Variants in ARGLU1 observed in about 807,000 individuals in gnomAD.
ARGLU1 encodes the protein arginine and glutamate rich 1.
Under a neutral mutation model 37.6 loss-of-function variants are expected in ARGLU1, and 9 were observed. That is an observed-to-expected ratio of 0.24 (90% CI 0.14 to 0.42). The LOEUF is 0.42. ARGLU1 is among the 10% of genes least tolerant of loss of function. The pLI, the probability that ARGLU1 is intolerant of heterozygous loss-of-function variation, is 1.00. For synonymous variants in ARGLU1, 166 were observed against 138.5 expected, an observed-to-expected ratio of 1.20 and a Z score of -1.39; for missense variants, 211 against 359.2, an observed-to-expected ratio of 0.59 and a Z score of 3.34.
chr13:106,552,328 C>G (rs759211897), intron 3 of ARGLU1, among the ~76,000 whole-genome samples: 1 of 152,160 alleles, frequency 6.6e-6, no homozygotes, highest in Non-Finnish European at 1.5e-5. Flanking sequence ...TTTAAAACCC[C>G]AAACACCCCC....
chr13:106,564,849 TA>T (rs1242461150), intron 1 of ARGLU1, among the ~76,000 whole-genome samples: 1 of 152,186 alleles, frequency 6.6e-6, no homozygotes, highest in East Asian at 1.9e-4. Flanking sequence ...CCTTATCCAC[TA>T]TTTAAAAAGT....
At chr13:106,549,093 A>G (rs2138965268) in intron 3 of ARGLU1, among the ~76,000 whole-genome samples, 1 of 152,304 alleles carries the variant, frequency 6.6e-6, no homozygotes, top group South Asian at 2.1e-4. Flanking sequence ...TGATTTTATA[A>G]AGATTACCTT....
At chr13:106,555,730 TG>T (rs1880646668) in intron 3 of ARGLU1, among the ~76,000 whole-genome samples, 1 of 152,168 alleles carries the variant, frequency 6.6e-6, no homozygotes, top group Admixed American at 6.5e-5. Flanking sequence ...AATAGAGGAC[TG>T]TAAGAATGCA....
At chr13:106,546,529 C>G (rs1364177066) in intron 3 of ARGLU1, among the ~76,000 whole-genome samples, 1 of 152,180 alleles carries the variant, frequency 6.6e-6, no homozygotes, top group East Asian at 1.9e-4. Flanking sequence ...ACAAAAAGAA[C>G]TGCCTGCTAT....
chr13:106,557,856 G>C lies in ARGLU1; in HGVS notation c.574-725C>G, dbSNP rs1388908862. ...TGGAACTACGGGCTTCTTCCATGGG[G>C]AAAATGGACTTAACATTCAGATGTT... is the stretch of plus-strand genomic sequence containing the variant. On this transcript the variant is annotated intron_variant, in intron 2 of 3. Transcript: ENST00000400198. This position sits in a 1 kb window ranked among gnomAD's most constrained non-coding sequence, Gnocchi z 5.0. The C allele has an allele frequency of 2.0e-6, 2 of 985,306 alleles. No individual in the cohort carries two copies. The highest frequency in any genetic ancestry group is 3.5e-5 in the African/African-American group (2 of 57,232). 61.0% of individuals were successfully genotyped at this position (985,306 alleles called of 1,614,324 possible). A position where few individuals can be genotyped will look rare whatever the true frequency, so the allele number is the denominator to read the frequency against.
intron 1 of ARGLU1, among the ~76,000 whole-genome samples, chr13:106,562,277 G>A (rs1880827408): frequency 6.6e-6 from 1 of 152,186 alleles, no homozygotes; most frequent in African/African-American, 2.4e-5. Context: ...AAACAATGCT[G>A]AAGGAAAGCT....
intron 1 of ARGLU1, among the ~76,000 whole-genome samples, chr13:106,560,077 A>G (rs1393642501): frequency 6.6e-6 from 1 of 152,196 alleles, no homozygotes; most frequent in African/African-American, 2.4e-5. Context: ...GTAGCAGGCA[A>G]CTCAGATTGG....
chr13:106,553,916 C>T (rs2138969042), intron 3 of ARGLU1, among the ~76,000 whole-genome samples: 1 of 152,324 alleles, frequency 6.6e-6, no homozygotes, highest in Non-Finnish European at 1.5e-5. Context: ...ATGGCTGCTA[C>T]TTTACTATAG....
chr13:106,561,461 ACT>A (rs1491193871), intron 1 of ARGLU1, among the ~76,000 whole-genome samples: 4 of 142,112 alleles, frequency 2.8e-5, no homozygotes, highest in Non-Finnish European at 4.6e-5. Context: ...ACACACACAC[ACT>A]TTTGCTAGTT....
At chr13:106,565,801 GT>G (rs1880946573) in intron 1 of ARGLU1, among the ~76,000 whole-genome samples, 3 of 152,180 alleles carry the variant, frequency 2.0e-5, no homozygotes, top group African/African-American at 7.2e-5. Flanking sequence ...ACTATTGGCA[GT>G]TTGTGTCTTC....
chr13:106,568,006 T>C lies in ARGLU1; in HGVS notation c.-87A>G. 6.7e-7 allele frequency: 1 copy of C among 1,494,540 alleles called. No homozygotes were observed. Among genetic ancestry groups the C allele is most frequent in the Non-Finnish European group, 8.8e-7 (1 of 1,132,888 alleles). 92.6% of individuals were successfully genotyped at this position (1,494,540 alleles called of 1,614,324 possible). A position where few individuals can be genotyped will look rare whatever the true frequency, so the allele number is the denominator to read the frequency against. Reference sequence around the variant, plus strand: ...TCCGCCTTCGGACGCGGGCTGGCGGTTCTACCGAGGCCGGAGGAAAGAAAG... The same window carrying C: ...TCCGCCTTCGGACGCGGGCTGGCGGCTCTACCGAGGCCGGAGGAAAGAAAG... On this transcript the variant is annotated 5_prime_UTR_variant, in exon 1 of 4. Transcript: ENST00000400198.
intron 3 of ARGLU1, among the ~76,000 whole-genome samples, chr13:106,551,971 G>A (rs976376396): frequency 2.0e-5 from 3 of 152,044 alleles, no homozygotes; most frequent in Non-Finnish European, 4.4e-5. Flanking sequence ...CAAAAGCCCC[G>A]CCCTCCTTGT....
intron 3 of ARGLU1, among the ~76,000 whole-genome samples, chr13:106,551,138 A>G: frequency 6.6e-6 from 1 of 152,212 alleles, no homozygotes; most frequent in East Asian, 1.9e-4. Context: ...CTTTCCAGAG[A>G]CAGTTTTTCT....
intron 3 of ARGLU1, among the ~76,000 whole-genome samples, chr13:106,546,689 CA>C (rs1299824647): frequency 6.6e-6 from 1 of 152,090 alleles, no homozygotes; most frequent in Non-Finnish European, 1.5e-5. Flanking sequence ...AACATTTTAT[CA>C]ATATAAATAC....
rs1163425521 is a variant in ARGLU1 at position 106,557,390 on chromosome 13, T to C, written c.574-259A>G. 2 of 594,330 alleles carry C rather than the reference T, an allele frequency of 3.4e-6. No individual in the cohort carries two copies. Among genetic ancestry groups the C allele is most frequent in the East Asian group, 3.2e-5 (1 of 31,230 alleles). The allele number at this position is 594,330 out of a possible 1,614,324, so 36.8% of individuals were successfully genotyped here. On this transcript the variant is annotated intron_variant, in intron 2 of 3. Transcript: ENST00000400198. The surrounding 1 kb of genome is among the most constrained non-coding windows in gnomAD (Gnocchi z 5.0). The stretch of plus-strand genomic sequence containing the variant: ...TTCCTGGCAATTATTACTAATACTT[T>C]AATATCACACAAATCAACAAGGACA...
intron 3 of ARGLU1, among the ~76,000 whole-genome samples, chr13:106,556,437 C>T (rs983552918): frequency 6.6e-6 from 1 of 152,204 alleles, no homozygotes; most frequent in Non-Finnish European, 1.5e-5. Context: ...CATCCCTACT[C>T]TCAATGGGAT....
rs1163110298 is a variant in ARGLU1, at chr13:106,557,979, A to AT, written c.574-849dup. 3 of 985,216 alleles carry AT rather than the reference A, an allele frequency of 3.0e-6. No homozygotes were observed. The highest frequency in any genetic ancestry group is 3.6e-6 in the Non-Finnish European group (3 of 829,914). The allele number at this position is 985,216 out of a possible 1,614,324, so 61.0% of individuals were successfully genotyped here. On this transcript the variant is annotated intron_variant, in intron 2 of 3. Coordinates refer to ENST00000400198, the MANE Select transcript of ARGLU1 (RefSeq NM_018011.4). The surrounding 1 kb of genome is among the most constrained non-coding windows in gnomAD (Gnocchi z 5.0). ...GTCAGGAAATAAAATTCTTCAACTT[A>AT]TTTTTTCTTGGAGAATTTAATGAGA...
Position 106,557,702 on chromosome 13 carries a change from G to A in ARGLU1, c.574-571C>T. The stretch of plus-strand genomic sequence containing the variant: ...AAAGAAACAACATACAAGGAAGGCT[G>A]AGCTGAGGAATGCAGATGTTTATGG... On this transcript the variant is annotated intron_variant, in intron 2 of 3. Coordinates refer to ENST00000400198, the MANE Select transcript of ARGLU1 (RefSeq NM_018011.4). The surrounding 1 kb of genome is among the most constrained non-coding windows in gnomAD (Gnocchi z 5.0). 1 of 1,518,194 alleles carries A rather than the reference G, an allele frequency of 6.6e-7. No homozygotes were observed. Among genetic ancestry groups the A allele is most frequent in the Non-Finnish European group, 8.9e-7 (1 of 1,127,794 alleles). 94.0% of individuals were successfully genotyped at this position (1,518,194 alleles called of 1,614,324 possible).
chr13:106,554,187 GTCTTTGTT>G (rs913329207), intron 3 of ARGLU1, among the ~76,000 whole-genome samples: 2 of 152,106 alleles, frequency 1.3e-5, no homozygotes, highest in African/African-American at 4.8e-5. Context: ...TTTTGGAGTT[GTCTTTGTT>G]TCCAAAATAT....
Sources: allele counts gnomAD v4.1 joint callset (sites outside exome capture counted in the v4.1 genomes callset), GRCh38; gene constraint gnomAD v4.1.1; non-coding constraint Gnocchi (gnomAD v3.1); transcripts MANE v1.5; gene names NCBI Gene and HGNC (gene_info 2026-07-23, HGNC 2026-07-21).